ADGRB3: variants seen among roughly 807,000 people sequenced by gnomAD.
ADGRB3 encodes the protein adhesion G protein-coupled receptor B3, also known as brain-specific angiogenesis inhibitor 3.
Under a neutral mutation model 193.4 loss-of-function variants are expected in ADGRB3, and 37 were observed. The ratio of observed to expected loss-of-function variants is 0.19; its 90% CI spans 0.15 to 0.25. The LOEUF (loss-of-function observed/expected upper bound fraction) is 0.25. ADGRB3 is among the 10% of genes least tolerant of loss of function. The pLI is 1.00. For missense variants in ADGRB3, 1,637 were observed against 1,852.9 expected (o/e 0.88, Z 2.14); for synonymous variants, 690 against 644.2 (o/e 1.07, Z -1.08).
intron 3 of ADGRB3, among the ~76,000 whole-genome samples, chr6:68,737,992 A>G (rs983409857): frequency 6.6e-6 from 1 of 152,122 alleles, no homozygotes; most frequent in Non-Finnish European, 1.5e-5. Flanking sequence ...TAAAGGAGAA[A>G]GGGAAAGGTG....
At chr6:69,144,676 T>G (rs974197872) in intron 17 of ADGRB3, among the ~76,000 whole-genome samples, 4 of 152,226 alleles carry the variant, frequency 2.6e-5, no homozygotes, top group African/African-American at 4.8e-5. Context: ...CATATTATTT[T>G]TATCCTTGAT....
intron 29 of ADGRB3, among the ~76,000 whole-genome samples, chr6:69,366,434 T>G (rs1769569193): frequency 6.6e-6 from 1 of 152,140 alleles, no homozygotes; most frequent in Non-Finnish European, 1.5e-5. Flanking sequence ...GTGAATCTTC[T>G]AGTATCTTGT....
intron 3 of ADGRB3, among the ~76,000 whole-genome samples, chr6:68,866,227 T>G (rs770488050): frequency 2.0e-5 from 3 of 152,128 alleles, no homozygotes; most frequent in Non-Finnish European, 4.4e-5. Flanking sequence ...GGTGACTGGA[T>G]CATGGGGCCA....
chr6:68,687,936 A>G (rs977770614), intron 3 of ADGRB3, among the ~76,000 whole-genome samples: 5 of 152,214 alleles, frequency 3.3e-5, no homozygotes, highest in African/African-American at 9.6e-5. Context: ...ACTAAGGTAC[A>G]CTAGGTTTTA....
At chr6:68,815,616 T>TGC (rs1490691868) in intron 3 of ADGRB3, among the ~76,000 whole-genome samples, 33 of 144,460 alleles carry the variant, frequency 2.3e-4, no homozygotes, top group African/African-American at 7.5e-4. Context: ...TGTGTGTGTG[T>TGC]GTGTGTGTGT....
chr6:69,349,484 TC>T (rs1228305185), intron 26 of ADGRB3, among the ~76,000 whole-genome samples: 49 of 141,338 alleles, frequency 3.5e-4, no homozygotes, highest in Non-Finnish European at 7.4e-4. Flanking sequence ...GACTTTGCTA[TC>T]AGCAAAGTCA....
chr6:69,315,222 G>A (rs1181621290), intron 20 of ADGRB3, among the ~76,000 whole-genome samples: 1 of 151,520 alleles, frequency 6.6e-6, no homozygotes, highest in Non-Finnish European at 1.5e-5. Context: ...ATAGTGGAAA[G>A]AGCACATGTG....
At chr6:68,725,132 G>A (rs929723334) in intron 3 of ADGRB3, among the ~76,000 whole-genome samples, 4 of 151,732 alleles carry the variant, frequency 2.6e-5, no homozygotes, top group East Asian at 2.0e-4. Flanking sequence ...ATTTTGTAGC[G>A]TGAGCATGCA....
intron 17 of ADGRB3, among the ~76,000 whole-genome samples, chr6:69,117,091 A>G (rs1320377761): frequency 6.6e-6 from 1 of 152,240 alleles, no homozygotes; most frequent in African/African-American, 2.4e-5. Context: ...AAAAAGATAG[A>G]CAAAAAAGTA....
intron 3 of ADGRB3, among the ~76,000 whole-genome samples, chr6:68,867,677 G>A (rs780614619): frequency 1.3e-5 from 2 of 152,256 alleles, no homozygotes; most frequent in Admixed American, 6.5e-5. Context: ...GGAGGCTGTA[G>A]CCTGCAAAGC....
intron 3 of ADGRB3, among the ~76,000 whole-genome samples, chr6:68,797,517 G>A (rs906317042): frequency 2.6e-5 from 4 of 152,064 alleles, no homozygotes; most frequent in African/African-American, 7.2e-5. Flanking sequence ...AATCCTAGTA[G>A]CAGCATCTTT....
Position 68,673,427 on chromosome 6 carries a change from T to G in ADGRB3, c.757+33995T>G, listed in dbSNP as rs80334111. 1.0e-3 allele frequency among the ~76,000 whole-genome samples: 152 copies of G among 152,258 alleles called. 4 individuals carry two copies. In the East Asian group the frequency reaches 0.024, roughly 24 times the overall value. On this transcript the variant is annotated intron_variant, in intron 3 of 31. Transcript: ENST00000370598. ...AGCAGTGTGTGGTATGAAGCAATGC[T>G]GAAAACTCAGTGTTATCAGTCTCCA...
intron 3 of ADGRB3, among the ~76,000 whole-genome samples, chr6:68,709,418 C>G (rs1052264031): frequency 1.3e-5 from 2 of 152,106 alleles, no homozygotes; most frequent in African/African-American, 2.4e-5. Context: ...GTTTTCATCC[C>G]TCACAAAAAT....
intron 3 of ADGRB3, among the ~76,000 whole-genome samples, chr6:68,908,124 C>T (rs1315143303): frequency 6.6e-6 from 1 of 151,792 alleles, no homozygotes; most frequent in African/African-American, 2.4e-5. Context: ...ATTTAATTAA[C>T]TATTGCTGTC....
intron 22 of ADGRB3, 110 bp from the exon 23 acceptor site, chr6:69,330,396 T>A: frequency 1.5e-6 from 1 of 645,678 alleles, no homozygotes; most frequent in East Asian, 3.0e-5. Context: ...ATGTTTAACA[T>A]GTGCCAAAAT....
At chr6:68,733,943 A>G (rs955863218) in intron 3 of ADGRB3, among the ~76,000 whole-genome samples, 1 of 151,860 alleles carries the variant, frequency 6.6e-6, no homozygotes, top group African/African-American at 2.4e-5. Context: ...TTCACATTGC[A>G]TGCCTGTATC....
intron 17 of ADGRB3, among the ~76,000 whole-genome samples, chr6:69,152,766 C>T (rs947424447): frequency 6.6e-6 from 1 of 152,120 alleles, no homozygotes; most frequent in African/African-American, 2.4e-5. Flanking sequence ...TTATATACTA[C>T]TTTACAACAG....
intron 3 of ADGRB3, among the ~76,000 whole-genome samples, chr6:68,645,030 G>T (rs1768167675): frequency 6.6e-6 from 1 of 151,980 alleles, no homozygotes; most frequent in Admixed American, 6.6e-5. Context: ...CAATTTTATT[G>T]TTAAGCTGAT....
At chr6:69,099,803 C>G (rs1228984077) in intron 17 of ADGRB3, among the ~76,000 whole-genome samples, 1 of 152,204 alleles carries the variant, frequency 6.6e-6, no homozygotes, top group African/African-American at 2.4e-5. Flanking sequence ...GGGGTGATTA[C>G]ATTTAATCAT....
Sources: allele counts gnomAD v4.1 joint callset (sites outside exome capture counted in the v4.1 genomes callset), GRCh38; gene constraint gnomAD v4.1.1; transcripts MANE v1.5; gene names NCBI Gene and HGNC (gene_info 2026-07-23, HGNC 2026-07-21).